WARS2: variants seen among roughly 807,000 people sequenced by gnomAD.
WARS2 encodes the protein tryptophanyl tRNA synthetase 2, mitochondrial.
In WARS2, 28 loss-of-function variants were observed where a neutral mutation model predicts 36.5. The observed-to-expected ratio is 0.77, with a 90% CI of 0.57 to 1.05. The LOEUF (loss-of-function observed/expected upper bound fraction) is 1.05, where lower values mean the gene tolerates loss of function less well. Among genes scored for constraint, WARS2 ranks in the 50% least tolerant of loss-of-function variants. WARS2 has a pLI of 0.00. For synonymous variants in WARS2, 174 were observed against 178.4 expected (o/e 0.98, Z 0.20); for missense variants, 435 against 456.8 (o/e 0.95, Z 0.44).
chr1:119,101,678 T>C (rs1653875864), intron 1 of WARS2, among the ~76,000 whole-genome samples: 1 of 152,146 alleles, frequency 6.6e-6, no homozygotes. Flanking sequence ...CCCAAGCCTC[T>C]CTAACAAACA....
At chr1:119,117,542 A>G (rs1220255683) in intron 1 of WARS2, among the ~76,000 whole-genome samples, 2 of 152,216 alleles carry the variant, frequency 1.3e-5, no homozygotes, top group African/African-American at 2.4e-5. Context: ...TGCTCCAAAG[A>G]AAGAGAAGAC....
intron 1 of WARS2, among the ~76,000 whole-genome samples, chr1:119,100,720 GC>G (rs959667926): frequency 1.2e-4 from 19 of 152,154 alleles, no homozygotes; most frequent in African/African-American, 3.9e-4. Context: ...GAGTGCAGTG[GC>G]CTGATCTCGG....
chr1:119,061,336 A>T (rs1468337798), intron 2 of WARS2, among the ~76,000 whole-genome samples: 2 of 152,212 alleles, frequency 1.3e-5, no homozygotes, highest in Non-Finnish European at 2.9e-5. Context: ...ATGAATAAAC[A>T]GATAGAAAAT....
Position 119,057,574 on chromosome 1 carries a change from G to A in WARS2, c.349-11912C>T, listed in dbSNP as rs187612641. On this transcript the variant is annotated intron_variant, in intron 2 of 5. Coordinates refer to ENST00000235521, the MANE Select transcript of WARS2 (RefSeq NM_015836.4). ...GGAGGCTGAGGCGGGAGGATCACTT[G>A]AGGTCAGGAGTTCAAGACCAGCCTG... Among the ~76,000 whole-genome samples the A allele has an allele frequency of 1.8e-3, 265 of 151,418 alleles. 1 individual carries two copies. The highest frequency in any genetic ancestry group is 6.3e-3 in the African/African-American group (259 of 41,382).
At chr1:119,070,783 A>C (rs1651243163) in intron 2 of WARS2, among the ~76,000 whole-genome samples, 1 of 152,004 alleles carries the variant, frequency 6.6e-6, no homozygotes, top group Non-Finnish European at 1.5e-5. Flanking sequence ...CCTAATAAGC[A>C]TTTTTTTATA....
chr1:119,090,497 G>T (rs1432490850), intron 1 of WARS2, among the ~76,000 whole-genome samples: 1 of 152,170 alleles, frequency 6.6e-6, no homozygotes, highest in Non-Finnish European at 1.5e-5. Flanking sequence ...ACAAGGAAAT[G>T]GGAGTAATGA....
chr1:119,047,136 TA>T (rs1249460575), intron 2 of WARS2, among the ~76,000 whole-genome samples: 1 of 152,238 alleles, frequency 6.6e-6, no homozygotes, highest in African/African-American at 2.4e-5. Flanking sequence ...ACTGCTGCTG[TA>T]AACAAATAGC....
chr1:119,138,142 T>C lies in WARS2; in HGVS notation c.90+2413A>G, dbSNP rs587771490. The stretch of plus-strand genomic sequence containing the variant: ...TTATACTATACTCTTGCAAAATAAT[T>C]TTTTTCTACAAAGGTTATGAGATAT... On this transcript the variant is annotated intron_variant, in intron 1 of 5. Transcript: ENST00000235521. Among the ~76,000 whole-genome samples, 8 of 152,278 alleles carry C rather than the reference T, an allele frequency of 5.3e-5. No homozygotes were observed. The South Asian group carries it at 1.7e-3, about 32-fold the overall frequency.
At chr1:119,062,078 T>C (rs1196840318) in intron 2 of WARS2, among the ~76,000 whole-genome samples, 1 of 152,206 alleles carries the variant, frequency 6.6e-6, no homozygotes, top group African/African-American at 2.4e-5. Flanking sequence ...AACTGAGGCT[T>C]CTTTGGTAAG....
At position 119,050,667 on chromosome 1, in the gene WARS2, CA is replaced by C. The variant is rs1465539470; in HGVS notation, c.349-5006del. The stretch of plus-strand genomic sequence containing the variant: ...GATTTAAATGAATAAACATGAATAA[CA>C]AAAACATACTAGTGTGTGAAAAAAA... On this transcript the variant is annotated intron_variant, in intron 2 of 5. Transcript: ENST00000235521. Among the ~76,000 whole-genome samples, 10 of 151,586 alleles carry C rather than the reference CA, an allele frequency of 6.6e-5. No individual in the cohort carries two copies. In the South Asian group the frequency reaches 2.1e-3, roughly 32 times the overall value.
At chr1:119,132,709 G>A (rs867136924) in intron 1 of WARS2, among the ~76,000 whole-genome samples, 3 of 152,262 alleles carry the variant, frequency 2.0e-5, no homozygotes, top group Non-Finnish European at 4.4e-5. Context: ...TTCATGAGGA[G>A]TGTGACAAAA....
intron 1 of WARS2, among the ~76,000 whole-genome samples, chr1:119,101,929 C>T (rs1653896954): frequency 6.6e-6 from 1 of 152,104 alleles, no homozygotes; most frequent in Admixed American, 6.6e-5. Flanking sequence ...AGCCAACACA[C>T]ACAATTTTGG....
chr1:119,045,748 T>C (rs1648747611), intron 2 of WARS2, 86 bp from the exon 3 acceptor site: 1 of 1,069,624 alleles, frequency 9.3e-7, no homozygotes, highest in Non-Finnish European at 1.4e-6. Context: ...TTACCCTAAA[T>C]GTCTGAAAAT....
chr1:119,126,891 T>G (rs1387423670), intron 1 of WARS2: 1 of 803,516 alleles, frequency 1.2e-6, no homozygotes, highest in Non-Finnish European at 2.1e-6. Context: ...CCGTACCTGA[T>G]TGTTGCATTT....
chr1:119,126,948 T>C (rs1655706226), intron 1 of WARS2: 3 of 742,106 alleles, frequency 4.0e-6, no homozygotes, highest in Non-Finnish European at 7.3e-6. Flanking sequence ...TTGTCTGCCA[T>C]TTTTTGATCA....
chr1:119,078,897 CGTGTGTGTGT>C (rs144044142), intron 1 of WARS2, among the ~76,000 whole-genome samples: 1 of 148,348 alleles, frequency 6.7e-6, no homozygotes, highest in Non-Finnish European at 1.5e-5. Context: ...TGAAGGTGCA[CGTGTGTGTGT>C]GTGTGTGTGT....
rs1010421453 is a variant in WARS2, at chr1:119,076,408, G to A, written c.290C>T (p.Ala97Val). The A allele has an allele frequency of 6.2e-7, 1 of 1,614,136 alleles. No homozygotes were observed. The highest frequency in any genetic ancestry group is 8.5e-7 in the Non-Finnish European group (1 of 1,180,028). The change falls in exon 2 of 6, where the codon GCT (alanine) becomes GTT (valine). Residue 97 changes from alanine (A) to valine (V), a missense_variant. Transcript: ENST00000235521. The stretch of plus-strand genomic sequence containing the variant: ...GTTTATGCCACAGGCAAGAAGAACA[G>A]CAGTCATGTCCAGGATGCTCTGCCG... Reference protein sequence around the residue: ...VLRQSILDMTAVLLACGINPE... With the variant: ...VLRQSILDMTVVLLACGINPE...
chr1:119,043,001 A>G (rs1285078747), intron 3 of WARS2, among the ~76,000 whole-genome samples: 2 of 152,198 alleles, frequency 1.3e-5, no homozygotes, highest in Non-Finnish European at 2.9e-5. Context: ...CAGTTCCTTA[A>G]TGGAGAAGTT....
At chr1:119,054,082 C>A (rs2101167709) in intron 2 of WARS2, among the ~76,000 whole-genome samples, 1 of 149,640 alleles carries the variant, frequency 6.7e-6, no homozygotes, top group South Asian at 2.1e-4. Flanking sequence ...TTAAATAATA[C>A]TATTTAATAA....
Sources: allele counts gnomAD v4.1 joint callset (sites outside exome capture counted in the v4.1 genomes callset), GRCh38; gene constraint gnomAD v4.1.1; transcripts MANE v1.5; gene names NCBI Gene and HGNC (gene_info 2026-07-23, HGNC 2026-07-21).